The following SYT17 variants were observed in gnomAD, a reference collection of about 807,000 sequenced individuals.
SYT17 encodes synaptotagmin 17, also known as synaptotagmin-17.
A neutral mutation model predicts 46.7 loss-of-function variants in SYT17; 22 were observed. The observed-to-expected ratio is 0.47, with a 90% CI of 0.34 to 0.67. SYT17 has a LOEUF of 0.67. Among genes scored for constraint, SYT17 ranks in the 30% least tolerant of loss-of-function variants. SYT17 has a pLI of 0.01. For missense variants in SYT17, 519 were observed against 612.8 expected, an observed-to-expected ratio of 0.85 and a Z score of 1.62; for synonymous variants, 251 against 248.4, an observed-to-expected ratio of 1.01 and a Z score of -0.10.
chr16:19,179,971 T>A (rs779892581), intron 3 of SYT17, among the ~76,000 whole-genome samples: 9 of 152,214 alleles, frequency 5.9e-5, no homozygotes, highest in Non-Finnish European at 1.0e-4. Flanking sequence ...ACAGTGACTG[T>A]TGAAATACCA....
chr16:19,222,538 C>G (rs1484534548), intron 5 of SYT17, among the ~76,000 whole-genome samples: 2 of 148,352 alleles, frequency 1.3e-5, no homozygotes, highest in African/African-American at 5.1e-5. Context: ...CTCAGTTCCT[C>G]TGCAGGGCAT....
intron 7 of SYT17, among the ~76,000 whole-genome samples, chr16:19,227,622 T>C (rs1019264096): frequency 1.3e-5 from 2 of 152,134 alleles, no homozygotes; most frequent in African/African-American, 4.8e-5. Context: ...TGGCCTAATG[T>C]CTTCCTTTAA....
At chr16:19,169,335 AG>A (rs1397512686) in intron 1 of SYT17, among the ~76,000 whole-genome samples, 1 of 88,666 alleles carries the variant, frequency 1.1e-5, no homozygotes, top group Non-Finnish European at 2.3e-5. Flanking sequence ...GAGGGGGCGG[AG>A]GGGTGGGCCG....
chr16:19,182,907 A>G (rs898609333), intron 4 of SYT17, among the ~76,000 whole-genome samples: 49 of 152,306 alleles, frequency 3.2e-4, no homozygotes, highest in African/African-American at 1.2e-3. Context: ...TCTTCACCAC[A>G]TTCTTTGAGG....
chr16:19,168,297 A>C lies in SYT17; in HGVS notation c.-350A>C. ...GCGCTGGGGTCGCTGCAGTCCCCGC[A>C]GCTGCCCCGGGCTGCTTGCCCAGGC... On this transcript the variant is annotated 5_prime_UTR_variant, in exon 1 of 8. Coordinates refer to ENST00000355377, the MANE Select transcript of SYT17 (RefSeq NM_016524.4). The surrounding 1 kb of genome is among the most constrained non-coding windows in gnomAD (Gnocchi z 6.9). 7.9e-6 allele frequency: 2 copies of C among 254,436 alleles called. No homozygotes were observed. Among genetic ancestry groups the C allele is most frequent in the South Asian group, 5.3e-5 (1 of 18,758 alleles). The allele number at this position is 254,436 out of a possible 1,614,324, so 15.8% of individuals were successfully genotyped here.
intron 7 of SYT17, among the ~76,000 whole-genome samples, chr16:19,250,851 G>A (rs1437392191): frequency 1.3e-5 from 2 of 152,092 alleles, no homozygotes; most frequent in African/African-American, 4.8e-5. Flanking sequence ...AACATTCTCA[G>A]AAATTCCCTC....
In SYT17 at chr16:19,183,908, G is replaced by C; in HGVS notation, c.712G>C (p.Asp238His). The C allele has an allele frequency of 1.2e-6, 2 of 1,614,212 alleles. No homozygotes were observed. The highest frequency in any genetic ancestry group is 1.6e-4 in the Middle Eastern group (1 of 6,062). The change falls in exon 5 of 8, where the codon GAC (aspartate) becomes CAC (histidine). Residue 238 changes from aspartate to histidine, a missense_variant. Coordinates refer to ENST00000355377, the MANE Select transcript of SYT17 (RefSeq NM_016524.4). The surrounding 1 kb of genome is among the most constrained non-coding windows in gnomAD (Gnocchi z 5.6). Reference sequence around the variant, plus strand: ...CTACGTCAAGATCTGTCTCCTGCCAGACCAGAAGAACTCAAAGCAGACCGG... The same window carrying C: ...CTACGTCAAGATCTGTCTCCTGCCACACCAGAAGAACTCAAAGCAGACCGG... ...NPYVKICLLP[D>H]QKNSKQTGVK...
At chr16:19,206,588 G>A (rs1965679658) in intron 5 of SYT17, among the ~76,000 whole-genome samples, 1 of 152,114 alleles carries the variant, frequency 6.6e-6, no homozygotes, top group African/African-American at 2.4e-5. Flanking sequence ...CAAATTCAGG[G>A]TGTTAGCCGA....
intron 7 of SYT17, among the ~76,000 whole-genome samples, chr16:19,263,654 A>AG (rs984502896): frequency 4.0e-5 from 6 of 150,988 alleles, no homozygotes; most frequent in African/African-American, 1.5e-4. Flanking sequence ...AAAAAAAAAA[A>AG]AAAAGAAAAG....
At chr16:19,201,851 T>C (rs981683937) in intron 5 of SYT17, among the ~76,000 whole-genome samples, 1 of 152,284 alleles carries the variant, frequency 6.6e-6, no homozygotes, top group East Asian at 1.9e-4. Context: ...CAGGCATTAG[T>C]GTTCCAGGGG....
chr16:19,240,590 G>A (rs1256395419), intron 7 of SYT17, among the ~76,000 whole-genome samples: 1 of 152,014 alleles, frequency 6.6e-6, no homozygotes, highest in Non-Finnish European at 1.5e-5. Context: ...CTGGCCCAGG[G>A]AAAAGCACCA....
In SYT17 at chr16:19,173,644, C is replaced by T. The variant is rs751229071; in HGVS notation, c.182+66C>T. 7.7e-6 allele frequency: 12 copies of T among 1,558,682 alleles called. No homozygotes were observed. In the Admixed American group the frequency reaches 1.3e-4, roughly 16 times the overall value. ...AGACTTTTCCTTTTTAATGAGAAGGCGGGTTGGGGGTCTGGGCCACGGGAG... is the reference window on the plus strand; with the variant it reads ...AGACTTTTCCTTTTTAATGAGAAGGTGGGTTGGGGGTCTGGGCCACGGGAG... On this transcript the variant is annotated intron_variant, in intron 3 of 7. Coordinates refer to ENST00000355377, the MANE Select transcript of SYT17 (RefSeq NM_016524.4).
At chr16:19,216,699 A>G (rs1966109391) in intron 5 of SYT17, among the ~76,000 whole-genome samples, 1 of 152,220 alleles carries the variant, frequency 6.6e-6, no homozygotes, top group African/African-American at 2.4e-5. Flanking sequence ...ATGTCCCTGC[A>G]AAGACATGAA....
intron 7 of SYT17, among the ~76,000 whole-genome samples, chr16:19,244,488 C>T (rs1207638951): frequency 6.6e-6 from 1 of 151,980 alleles, no homozygotes; most frequent in Non-Finnish European, 1.5e-5. Flanking sequence ...TATGTGCCAC[C>T]GTGCCTGCCA....
At chr16:19,261,934 T>C (rs544026959) in intron 7 of SYT17, among the ~76,000 whole-genome samples, 7 of 152,290 alleles carry the variant, frequency 4.6e-5, no homozygotes, top group Non-Finnish European at 1.0e-4. Flanking sequence ...CTTAGTGACA[T>C]GAGCTCAAGT....
intron 7 of SYT17, among the ~76,000 whole-genome samples, chr16:19,264,023 A>G (rs2352796): frequency 0.5 from 75,927 of 152,006 alleles, 20,273 homozygotes; most frequent in East Asian, 0.96. Context: ...AGCCCTCATA[A>G]TTGGGATTAG....
intron 5 of SYT17, among the ~76,000 whole-genome samples, chr16:19,196,983 G>T (rs1432105211): frequency 1.3e-5 from 2 of 152,172 alleles, no homozygotes; most frequent in South Asian, 4.1e-4. Flanking sequence ...GCCAAAAACT[G>T]CCTGGTAAAC....
At chr16:19,264,779 A>G (rs1286326066) in intron 7 of SYT17, among the ~76,000 whole-genome samples, 1 of 151,980 alleles carries the variant, frequency 6.6e-6, no homozygotes, top group African/African-American at 2.4e-5. Flanking sequence ...TTTTTAGTAA[A>G]GGCAGGGTTT....
Position 19,178,876 on chromosome 16 carries a change from G to A in SYT17, c.183-1515G>A, listed in dbSNP as rs987405137. 1.3e-4 allele frequency among the ~76,000 whole-genome samples: 19 copies of A among 151,946 alleles called. No homozygotes were observed. The East Asian group carries it at 3.7e-3, about 29-fold the overall frequency. On this transcript the variant is annotated intron_variant, in intron 3 of 7. Coordinates refer to ENST00000355377, the MANE Select transcript of SYT17 (RefSeq NM_016524.4). ...ACCTAGCTTTATGAGTATTGGGGGG[G>A]ATCTTAAAGCCACCCCAGTTGTAAT...
Sources: allele counts gnomAD v4.1 joint callset (sites outside exome capture counted in the v4.1 genomes callset), GRCh38; gene constraint gnomAD v4.1.1; non-coding constraint Gnocchi (gnomAD v3.1); transcripts MANE v1.5; gene names NCBI Gene and HGNC (gene_info 2026-07-23, HGNC 2026-07-21).